The following CNOT4 variants were observed in gnomAD, a reference collection of about 807,000 sequenced individuals.
CNOT4 encodes the protein CCR4-associated factor 4.
A neutral mutation model predicts 73.8 loss-of-function variants in CNOT4; 8 were observed. The ratio of observed to expected loss-of-function variants is 0.11; its 90% CI spans 0.06 to 0.20. CNOT4 has a LOEUF of 0.20. Among genes scored for constraint, CNOT4 ranks in the 10% least tolerant of loss-of-function variants. The probability of loss-of-function intolerance (pLI) is 1.00; values close to 1 mark genes in which losing one functional copy is unlikely to be tolerated. For missense variants in CNOT4, 564 were observed against 883.4 expected, an observed-to-expected ratio of 0.64 and a Z score of 4.58; for synonymous variants, 293 against 321.1, an observed-to-expected ratio of 0.91 and a Z score of 0.94.
intron 1 of CNOT4, among the ~76,000 whole-genome samples, chr7:135,476,911 T>C (rs1488141418): frequency 6.6e-6 from 1 of 152,048 alleles, no homozygotes; most frequent in African/African-American, 2.4e-5. Flanking sequence ...GAGACAGAAG[T>C]TGCAAAAACA....
At chr7:135,464,200 G>A (rs937563581) in intron 1 of CNOT4, among the ~76,000 whole-genome samples, 2 of 152,058 alleles carry the variant, frequency 1.3e-5, no homozygotes, top group African/African-American at 4.8e-5. Context: ...ATACCTAGAG[G>A]AATATAAATC....
At chr7:135,497,225 C>G (rs956864667) in intron 1 of CNOT4, among the ~76,000 whole-genome samples, 1 of 151,854 alleles carries the variant, frequency 6.6e-6, no homozygotes, top group Non-Finnish European at 1.5e-5. Context: ...CCGGCCAACA[C>G]AGTGAAACCC....
At chr7:135,438,070 G>C in intron 2 of CNOT4, 88 bp downstream of exon 2, 1 of 692,768 alleles carries the variant, frequency 1.4e-6, no homozygotes, top group Admixed American at 2.3e-5. Flanking sequence ...GGTTTGCACA[G>C]TCTTTTAAAT....
At chr7:135,416,876 C>T (rs929348905) in intron 3 of CNOT4, among the ~76,000 whole-genome samples, 15 of 152,106 alleles carry the variant, frequency 9.9e-5, no homozygotes, top group African/African-American at 3.4e-4. Context: ...AGGCTAGCCC[C>T]GTACAACAAA....
chr7:135,382,095 T>C (rs994934525), intron 10 of CNOT4, among the ~76,000 whole-genome samples: 5 of 152,160 alleles, frequency 3.3e-5, no homozygotes, highest in Non-Finnish European at 5.9e-5. Context: ...TCAAGCTGTT[T>C]TATGGAACAT....
At chr7:135,443,257 G>C (rs2129485539) in intron 1 of CNOT4, among the ~76,000 whole-genome samples, 1 of 151,660 alleles carries the variant, frequency 6.6e-6, no homozygotes, top group South Asian at 2.1e-4. Context: ...TGGGAGGCTG[G>C]GGTGGGAAGA....
intron 1 of CNOT4, among the ~76,000 whole-genome samples, chr7:135,451,662 G>T (rs1422662296): frequency 3.3e-5 from 5 of 152,100 alleles, no homozygotes; most frequent in Non-Finnish European, 7.4e-5. Context: ...AAACCCTTAG[G>T]GGGAAAAATG....
chr7:135,498,349 A>C (rs1325991300), intron 1 of CNOT4, among the ~76,000 whole-genome samples: 1 of 152,224 alleles, frequency 6.6e-6, no homozygotes, highest in Non-Finnish European at 1.5e-5. Context: ...TAAAAACCAC[A>C]ATCTACAAAC....
Position 135,363,099 on chromosome 7 carries a change from T to A in CNOT4, c.1928A>T (p.Glu643Val). 2.5e-6 allele frequency: 4 copies of A among 1,614,030 alleles called. No individual in the cohort carries two copies. The highest frequency in any genetic ancestry group is 3.4e-6 in the Non-Finnish European group (4 of 1,179,974). Residue 643 changes from glutamate to valine, a missense_variant, in exon 12 of 12, where the codon GAG (glutamate) becomes GTG (valine). By Grantham distance (121) the Glu-to-Val change is moderately radical. This residue lies in a region of CNOT4 where 88 missense variants were observed against 94.7 expected (regional missense o/e 0.93). Transcript: ENST00000541284. This position sits in a 1 kb window ranked among gnomAD's most constrained non-coding sequence, Gnocchi z 4.3. ...TGGAGCAGCGCTGGGGCCGTCCATC[T>A]CTGTGAGGGCCTGAAGGGATTTTAG... is the stretch of plus-strand genomic sequence containing the variant. ...HWLKSLQALTEMDGPSAAPSQ... is the reference protein window; with the variant it reads ...HWLKSLQALTVMDGPSAAPSQ...
At chr7:135,477,669 A>T (rs950225830) in intron 1 of CNOT4, among the ~76,000 whole-genome samples, 1 of 152,218 alleles carries the variant, frequency 6.6e-6, no homozygotes, top group Non-Finnish European at 1.5e-5. Context: ...AATACATTTC[A>T]TCATACAGAT....
At position 135,444,581 on chromosome 7, in the gene CNOT4, A is replaced by G; in HGVS notation, c.-92-6158T>C. On this transcript the variant is annotated intron_variant, in intron 1 of 11. Coordinates refer to ENST00000541284, the MANE Select transcript of CNOT4 (RefSeq NM_001190850.2). ...TTCAGGACCGACCTATCCCAGAATG[A>G]TGTGGAGTACAGCACATACACTTGT... 3 of 1,366,142 alleles carry G rather than the reference A, an allele frequency of 2.2e-6. No homozygotes were observed. The South Asian group carries it at 3.5e-5, about 16-fold the overall frequency. 84.6% of individuals were successfully genotyped at this position (1,366,142 alleles called of 1,614,324 possible). A position where few individuals can be genotyped will look rare whatever the true frequency, so the allele number is the denominator to read the frequency against.
At chr7:135,373,754 G>A (rs1401196273) in intron 10 of CNOT4, among the ~76,000 whole-genome samples, 1 of 146,576 alleles carries the variant, frequency 6.8e-6, no homozygotes, top group Non-Finnish European at 1.5e-5. Flanking sequence ...TTTTTTTTTT[G>A]TATTTTTAGT....
intron 1 of CNOT4, among the ~76,000 whole-genome samples, chr7:135,466,992 T>C (rs948137485): frequency 3.9e-5 from 6 of 152,220 alleles, no homozygotes; most frequent in African/African-American, 1.4e-4. Flanking sequence ...TGTTAAGCGA[T>C]GCATAACTGT....
intron 1 of CNOT4, among the ~76,000 whole-genome samples, chr7:135,446,613 C>T (rs978867778): frequency 3.9e-5 from 6 of 151,962 alleles, no homozygotes; most frequent in African/African-American, 1.4e-4. Context: ...CCACTGAATA[C>T]AGTTACACAG....
rs889940786 is a variant in CNOT4, at chr7:135,509,919, C to A, written c.-123G>T. On this transcript the variant is annotated 5_prime_UTR_variant, in exon 1 of 12. Transcript: ENST00000541284. ...TGCCTTGCCTCGCTTTTCCCTCAGC[C>A]GACTCCACGGGCTGCCGCGTCCTCA... 1 of 397,756 alleles carries A rather than the reference C, an allele frequency of 2.5e-6. No individual in the cohort carries two copies. The highest frequency in any genetic ancestry group is 2.1e-5 in the African/African-American group (1 of 48,602). The allele number at this position is 397,756 out of a possible 1,614,324, so 24.6% of individuals were successfully genotyped here. A position where few individuals can be genotyped will look rare whatever the true frequency, so the allele number is the denominator to read the frequency against.
intron 1 of CNOT4, among the ~76,000 whole-genome samples, chr7:135,488,107 T>C (rs1192783881): frequency 6.6e-6 from 1 of 151,614 alleles, no homozygotes; most frequent in East Asian, 1.9e-4. Flanking sequence ...TTCTTTAAAC[T>C]CTACATAAAT....
At chr7:135,445,044 C>CCTT in intron 1 of CNOT4, 1 of 803,840 alleles carries the variant, frequency 1.2e-6, no homozygotes, top group Non-Finnish European at 2.2e-6. Context: ...TGGTGGACAG[C>CCTT]CTTCTTCTCT....
chr7:135,378,708 G>A (rs779460514), intron 10 of CNOT4, among the ~76,000 whole-genome samples: 53 of 151,676 alleles, frequency 3.5e-4, no homozygotes, highest in Non-Finnish European at 6.0e-4. Context: ...AAAATTAGCC[G>A]GGCACGGTGG....
At chr7:135,449,411 C>T (rs952682637) in intron 1 of CNOT4, among the ~76,000 whole-genome samples, 15 of 152,150 alleles carry the variant, frequency 9.9e-5, no homozygotes, top group African/African-American at 3.1e-4. Context: ...GAAAGAGACA[C>T]TAGCTGCAAA....
Sources: gnomAD v4.1 joint callset for allele counts (sites outside exome capture counted in the v4.1 genomes callset) on GRCh38, gnomAD v4.1.1 for gene constraint, gnomAD v4.1.1 regional missense constraint, Gnocchi (gnomAD v3.1) non-coding constraint, MANE v1.5 for transcripts, NCBI Gene and HGNC (gene_info 2026-07-23, HGNC 2026-07-21) for gene names.